The following WFDC9 variants were observed in gnomAD, a reference collection of about 807,000 sequenced individuals.
WFDC9 encodes the protein protein WFDC9.
WFDC9 carries 9 observed loss-of-function variants against 9.5 expected under a neutral mutation model. The ratio of observed to expected loss-of-function variants is 0.95; its 90% confidence interval spans 0.57 to 1.65. The LOEUF (loss-of-function observed/expected upper bound fraction) is 1.65. WFDC9 is among the 40% of genes most tolerant of loss of function. The probability of loss-of-function intolerance (pLI) is 0.00; values close to 1 mark genes in which losing one functional copy is unlikely to be tolerated. For synonymous variants in WFDC9, 33 were observed against 32.3 expected (o/e 1.02, Z -0.07); for missense variants, 87 against 106.7 (o/e 0.82, Z 0.81).
intron 1 of WFDC9, among the ~76,000 whole-genome samples, chr20:45,621,978 T>C (rs1982111600): frequency 6.6e-6 from 1 of 152,204 alleles, no homozygotes; most frequent in African/African-American, 2.4e-5. Context: ...CCCCAGCATA[T>C]TCACTTATAT....
chr20:45,620,481 A>G (rs1982072169), intron 1 of WFDC9, among the ~76,000 whole-genome samples: 1 of 152,094 alleles, frequency 6.6e-6, no homozygotes, highest in Non-Finnish European at 1.5e-5. Flanking sequence ...AATCCCAGCT[A>G]TTCGGGAGGC....
At chr20:45,629,788 A>T (rs1434431595) in intron 1 of WFDC9, 1 of 1,610,228 alleles carries the variant, frequency 6.2e-7, no homozygotes, top group South Asian at 1.1e-5. Context: ...CTGGCCAGAC[A>T]TAGGGCTCAC....
intron 1 of WFDC9, 34 bp downstream of exon 1, chr20:45,631,169 C>A: frequency 1.2e-6 from 1 of 828,234 alleles, no homozygotes; most frequent in Non-Finnish European, 1.7e-6. Context: ...TTGTCCCTGT[C>A]AAATAAACCA....
chr20:45,609,249 G>A (rs1424824369), intron 3 of WFDC9, among the ~76,000 whole-genome samples: 1 of 151,124 alleles, frequency 6.6e-6, no homozygotes, highest in Non-Finnish European at 1.5e-5. Flanking sequence ...TGTCGCCCAG[G>A]CTGGAGTGCA....
At chr20:45,620,420 C>T (rs140900526) in intron 1 of WFDC9, among the ~76,000 whole-genome samples, 23 of 152,136 alleles carry the variant, frequency 1.5e-4, no homozygotes, top group African/African-American at 4.8e-4. Flanking sequence ...GGAGAAACCC[C>T]GTCTCCACTA....
intron 4 of WFDC9, 47 bp from the exon 5 acceptor site, chr20:45,608,187 C>T: frequency 6.3e-7 from 1 of 1,582,210 alleles, no homozygotes; most frequent in South Asian, 1.1e-5. Flanking sequence ...GGGATAAATC[C>T]ATTTCTAAAA....
In WFDC9 at chr20:45,630,963, C is replaced by A. The variant is rs199718150; in HGVS notation, c.-153+240G>T. On this transcript the variant is annotated intron_variant, in intron 1 of 4. Transcript: ENST00000326000. ...TGTGAATCTCACCGAGATTGTCAAGCAAATAACATATGCTGTTCTACCTAC... is the reference window on the plus strand; with the variant it reads ...TGTGAATCTCACCGAGATTGTCAAGAAAATAACATATGCTGTTCTACCTAC... The A allele has an allele frequency of 9.3e-6, 15 of 1,612,128 alleles. No homozygotes were observed. In the East Asian group the frequency reaches 3.1e-4, roughly 34 times the overall value.
At position 45,631,076 on chromosome 20, in the gene WFDC9, G is replaced by A; in HGVS notation, c.-153+127C>T. 6.7e-6 allele frequency: 10 copies of A among 1,481,506 alleles called. No individual in the cohort carries two copies. The South Asian group carries it at 1.0e-4, about 15-fold the overall frequency. The allele number at this position is 1,481,506 out of a possible 1,614,324, so 91.8% of individuals were successfully genotyped here. ...TCCCAACTCCTCTATCCAAGACTGT[G>A]CCCACATCCGAAGCACAAGGACCTC... On this transcript the variant is annotated intron_variant, in intron 1 of 4. Coordinates refer to ENST00000326000, the MANE Select transcript of WFDC9 (RefSeq NM_147198.4).
intron 1 of WFDC9, among the ~76,000 whole-genome samples, chr20:45,614,961 A>G (rs1373883173): frequency 6.6e-6 from 1 of 152,178 alleles, no homozygotes; most frequent in African/African-American, 2.4e-5. Context: ...CAGCAGACCC[A>G]AAGTACATGT....
intron 1 of WFDC9, among the ~76,000 whole-genome samples, chr20:45,620,055 A>T (rs558108105): frequency 6.6e-6 from 1 of 152,176 alleles, no homozygotes; most frequent in South Asian, 2.1e-4. Context: ...GAAAAATAGC[A>T]CAAAAGAGGG....
At chr20:45,629,597 G>A (rs1440092036) in intron 1 of WFDC9, 14 of 424,652 alleles carry the variant, frequency 3.3e-5, no homozygotes, top group South Asian at 7.1e-5. Flanking sequence ...AGGAGGAGGC[G>A]TCATTCCTGC....
intron 4 of WFDC9, 22 bp from the exon 5 acceptor site, chr20:45,608,162 A>G (rs763067307): frequency 8.7e-6 from 14 of 1,606,906 alleles, no homozygotes; most frequent in Non-Finnish European, 1.2e-5. Context: ...AAGTTAGTCA[A>G]AAGTCAAGAA....
chr20:45,619,305 A>G (rs1279700562), intron 1 of WFDC9, among the ~76,000 whole-genome samples: 1 of 152,206 alleles, frequency 6.6e-6, no homozygotes, highest in Admixed American at 6.5e-5. Context: ...CCTGCCACTC[A>G]TGATTCTGGA....
chr20:45,619,009 G>T (rs1420986998), intron 1 of WFDC9, among the ~76,000 whole-genome samples: 5 of 152,184 alleles, frequency 3.3e-5, no homozygotes, highest in Non-Finnish European at 7.3e-5. Context: ...GGAAGTATAT[G>T]TCTGGACTCC....
chr20:45,612,711 GAT>G (rs1248625145), intron 2 of WFDC9, among the ~76,000 whole-genome samples: 3 of 152,058 alleles, frequency 2.0e-5, no homozygotes, highest in African/African-American at 2.4e-5. Context: ...AGGAAAAAAA[GAT>G]ATGCACTATT....
At chr20:45,627,672 G>A (rs761291460) in intron 1 of WFDC9, among the ~76,000 whole-genome samples, 24 of 152,166 alleles carry the variant, frequency 1.6e-4, no homozygotes, top group Non-Finnish European at 2.8e-4. Context: ...GAGCTTCCAT[G>A]CCCTCCATGA....
chr20:45,616,008 G>A (rs1488830828), intron 1 of WFDC9, among the ~76,000 whole-genome samples: 1 of 151,400 alleles, frequency 6.6e-6, no homozygotes, highest in Non-Finnish European at 1.5e-5. Flanking sequence ...GATCAGGGTG[G>A]TGGTTGCTGA....
At chr20:45,610,504 C>A (rs1324332692) in intron 2 of WFDC9, among the ~76,000 whole-genome samples, 2 of 151,996 alleles carry the variant, frequency 1.3e-5, no homozygotes, top group Admixed American at 1.3e-4. Context: ...ATTAAAAATA[C>A]AAAGAGGAAA....
intron 1 of WFDC9, among the ~76,000 whole-genome samples, chr20:45,629,075 C>A (rs969714616): frequency 6.6e-6 from 1 of 152,134 alleles, no homozygotes; most frequent in Admixed American, 6.5e-5. Flanking sequence ...CTGTCCCATG[C>A]CCTACAATAG....
Sources: gnomAD v4.1 joint callset for allele counts (sites outside exome capture counted in the v4.1 genomes callset) on GRCh38, gnomAD v4.1.1 for gene constraint, MANE v1.5 for transcripts, NCBI Gene and HGNC (gene_info 2026-07-23, HGNC 2026-07-21) for gene names.